Variants in TERF1 observed in about 807,000 individuals in gnomAD.
TERF1 encodes the protein telomeric repeat-binding factor 1.
In TERF1, 20 loss-of-function variants were observed where a neutral mutation model predicts 55.1. The observed-to-expected ratio is 0.36, with a 90% CI of 0.26 to 0.53. The LOEUF is 0.53. Among genes scored for constraint, TERF1 ranks in the 20% least tolerant of loss-of-function variants. TERF1 has a pLI of 0.91. For synonymous variants in TERF1, 168 were observed against 181.2 expected, an observed-to-expected ratio of 0.93 and a Z score of 0.59; for missense variants, 439 against 535.7, an observed-to-expected ratio of 0.82 and a Z score of 1.78.
At chr8:73,033,736 C>T (rs1184551664) in intron 8 of TERF1, among the ~76,000 whole-genome samples, 1 of 152,110 alleles carries the variant, frequency 6.6e-6, no homozygotes. Flanking sequence ...GGTTTATCAG[C>T]AAACTCGAAG....
intron 9 of TERF1, among the ~76,000 whole-genome samples, chr8:73,042,479 C>T (rs897226372): frequency 1.4e-4 from 22 of 151,798 alleles, no homozygotes; most frequent in Non-Finnish European, 8.8e-5. Context: ...AAAAAACTTA[C>T]GGCAATAGCC....
intron 5 of TERF1, among the ~76,000 whole-genome samples, chr8:73,025,255 T>C (rs1808927720): frequency 6.6e-6 from 1 of 152,158 alleles, no homozygotes; most frequent in Non-Finnish European, 1.5e-5. Flanking sequence ...AAGCAAATAT[T>C]TTAATTTAAG....
At chr8:73,036,991 C>T (rs922655041) in intron 8 of TERF1, among the ~76,000 whole-genome samples, 5 of 136,188 alleles carry the variant, frequency 3.7e-5, no homozygotes, top group Non-Finnish European at 6.2e-5. Context: ...TTTAATGGCC[C>T]ACAGTATGGT....
At chr8:73,027,934 C>T (rs1809088881) in intron 6 of TERF1, among the ~76,000 whole-genome samples, 2 of 152,146 alleles carry the variant, frequency 1.3e-5, no homozygotes, top group African/African-American at 4.8e-5. Flanking sequence ...CCTATTGTTC[C>T]TGCCTGTCAA....
chr8:73,040,441 G>A (rs1266058406), intron 9 of TERF1, among the ~76,000 whole-genome samples: 2 of 152,136 alleles, frequency 1.3e-5, no homozygotes, highest in African/African-American at 4.8e-5. Context: ...CAGAGTTTGG[G>A]ATTTTATTTC....
intron 8 of TERF1, among the ~76,000 whole-genome samples, chr8:73,033,215 A>C (rs1809368140): frequency 2.0e-5 from 3 of 152,082 alleles, no homozygotes; most frequent in African/African-American, 7.2e-5. Flanking sequence ...CCATTAGCAA[A>C]TATTTGTAAA....
chr8:73,029,268 T>G (rs1045329566), intron 6 of TERF1, among the ~76,000 whole-genome samples: 4 of 152,188 alleles, frequency 2.6e-5, no homozygotes, highest in African/African-American at 9.7e-5. Context: ...TTGAAGGGGA[T>G]TAGTCCTAGG....
intron 4 of TERF1, 91 bp downstream of exon 4, chr8:73,022,393 T>C: frequency 1.3e-6 from 1 of 745,238 alleles, no homozygotes; most frequent in East Asian, 2.9e-5. Context: ...AAGAAATGCT[T>C]TATCTTTTAA....
chr8:73,037,873 T>C (rs1809660684), intron 8 of TERF1, among the ~76,000 whole-genome samples: 1 of 114,704 alleles, frequency 8.7e-6, no homozygotes, highest in Admixed American at 1.3e-4. Context: ...TGATATATAA[T>C]ATATATAAAT....
intron 5 of TERF1, among the ~76,000 whole-genome samples, chr8:73,026,193 G>A (rs1808986939): frequency 8.1e-6 from 1 of 123,480 alleles, no homozygotes; most frequent in Non-Finnish European, 1.7e-5. Context: ...AGTGAGACTT[G>A]TCTCAAAAAA....
Position 73,047,135 on chromosome 8 carries a change from T to C in TERF1, c.*998T>C, listed in dbSNP as rs1322991978. ...CCCCAAACCTCAACATCACACAGTA[T>C]ACTCAGCTAACAAACCTGCCCATGT... On this transcript the variant is annotated 3_prime_UTR_variant, in exon 10 of 10. Coordinates refer to ENST00000276603, the MANE Select transcript of TERF1 (RefSeq NM_017489.3). 1 of 152,148 alleles carries C rather than the reference T, an allele frequency of 6.6e-6. No individual in the cohort carries two copies. 9.4% of individuals were successfully genotyped at this position (152,148 alleles called of 1,614,324 possible).
intron 6 of TERF1, among the ~76,000 whole-genome samples, chr8:73,028,756 A>G (rs767761167): frequency 1.3e-5 from 2 of 152,056 alleles, no homozygotes; most frequent in African/African-American, 2.4e-5. Context: ...GATCACCTAT[A>G]TGAAGTCTTG....
chr8:73,026,481 CAG>C (rs1809007573), intron 5 of TERF1, among the ~76,000 whole-genome samples: 1 of 152,188 alleles, frequency 6.6e-6, no homozygotes, highest in Non-Finnish European at 1.5e-5. Flanking sequence ...GCCTGGGTGA[CAG>C]AGTGAGACCC....
At chr8:73,011,872 T>C (rs1808295087) in intron 1 of TERF1, 2 of 152,232 alleles carry the variant, frequency 1.3e-5, no homozygotes, top group African/African-American at 4.8e-5. Flanking sequence ...CAATAGGCTC[T>C]TTTACTTTCT....
intron 1 of TERF1, among the ~76,000 whole-genome samples, chr8:73,013,124 A>G (rs1355724650): frequency 6.6e-6 from 1 of 152,184 alleles, no homozygotes; most frequent in African/African-American, 2.4e-5. Flanking sequence ...ATTGCTTTTC[A>G]GTTTGCTAGT....
In TERF1 at chr8:73,025,921, G is replaced by T. The variant is rs185593108; in HGVS notation, c.774+950G>T. Among the ~76,000 whole-genome samples, 453 of 150,708 alleles carry T rather than the reference G, an allele frequency of 3.0e-3. 3 individuals are homozygous for T. The highest frequency in any genetic ancestry group is 0.011 in the African/African-American group (431 of 40,952). On this transcript the variant is annotated intron_variant, in intron 5 of 9. Transcript: ENST00000276603. ...AAAAAAAAGACATTTCTGGTCAGGC[G>T]CAGTGGCTCATGCCTGTAATCCCAG...
intron 1 of TERF1, chr8:73,012,911 C>G (rs1808343171): frequency 2.2e-6 from 1 of 456,032 alleles, no homozygotes; most frequent in African/African-American, 2.0e-5. Flanking sequence ...CCTCCTAACA[C>G]AGGCTGGCAG....
At chr8:73,013,238 C>G (rs1401887630) in intron 1 of TERF1, among the ~76,000 whole-genome samples, 1 of 152,148 alleles carries the variant, frequency 6.6e-6, no homozygotes, top group East Asian at 1.9e-4. Context: ...TCAGAGAAGC[C>G]TTCCCTGACA....
At chr8:73,044,946 A>T (rs1490980955) in intron 9 of TERF1, among the ~76,000 whole-genome samples, 1 of 152,196 alleles carries the variant, frequency 6.6e-6, no homozygotes, top group African/African-American at 2.4e-5. Flanking sequence ...GTTGGGTTGC[A>T]TCCACATTTT....
Sources: gnomAD v4.1 joint callset for allele counts (sites outside exome capture counted in the v4.1 genomes callset) on GRCh38, gnomAD v4.1.1 for gene constraint, MANE v1.5 for transcripts, NCBI Gene and HGNC (gene_info 2026-07-23, HGNC 2026-07-21) for gene names.